PLEC: variants seen among roughly 807,000 people sequenced by gnomAD.
PLEC encodes the protein hemidesmosomal protein 1.
A neutral mutation model predicts 392.8 loss-of-function variants in PLEC; 216 were observed. The observed-to-expected ratio is 0.55, with a 90% confidence interval of 0.49 to 0.62. PLEC has a LOEUF of 0.62. Ranked by LOEUF, PLEC falls within the 20% of genes least tolerant of loss-of-function variation. The pLI, the probability that PLEC is intolerant of heterozygous loss-of-function variation, is 0.00. For synonymous variants in PLEC, 3,621 were observed against 2,980.6 expected, an observed-to-expected ratio of 1.21 and a Z score of -7.00; for missense variants, 6,863 against 6,563.4, an observed-to-expected ratio of 1.05 and a Z score of -1.58.
rs1245201397 is a variant in PLEC, at chr8:143,918,825, G to T, written c.10996C>A (p.Leu3666Ile). ...RIISLETYNL[L>I]REGTRSLREA... The stretch of plus-strand genomic sequence containing the variant: ...CGGAGGCTCCTGGTGCCCTCCCGGA[G>T]CAGGTTGTAGGTCTCGAGAGAGATG... The change falls in exon 32 of 32, where the codon CTC becomes ATC. Residue 3666 changes from leucine (L) to isoleucine (I), a missense_variant. Physicochemically the swap from Leu to Ile is conservative, Grantham distance 5. Transcript: ENST00000345136. The T allele has an allele frequency of 6.2e-7, 1 of 1,613,204 alleles. No individual in the cohort carries two copies. Among genetic ancestry groups the T allele is most frequent in the South Asian group, 1.1e-5 (1 of 91,088 alleles).
At chr8:143,943,890 T>C (rs1168905554), upstream of PLEC, 32 of 1,610,582 alleles carry the variant, frequency 2.0e-5, no homozygotes, top group Non-Finnish European at 2.6e-5. Flanking sequence ...GAGGGCTCCA[T>C]AGCCGCCACG....
intron 1 of PLEC, among the ~76,000 whole-genome samples, chr8:143,963,197 C>A (rs1832945894): frequency 6.6e-6 from 1 of 152,154 alleles, no homozygotes; most frequent in African/African-American, 2.4e-5. Flanking sequence ...GGAACAGAGA[C>A]AGGATGAAAT....
chr8:143,944,667 G>T, intron 1 of PLEC: 1 of 1,339,716 alleles, frequency 7.5e-7, no homozygotes, highest in South Asian at 2.4e-5. Context: ...TCTTCATCGG[G>T]GACGGTGGCA....
At chr8:143,947,224 G>C (rs1831598193) in intron 1 of PLEC, among the ~76,000 whole-genome samples, 1 of 152,218 alleles carries the variant, frequency 6.6e-6, no homozygotes, top group African/African-American at 2.4e-5. Context: ...GGTCAAGGGG[G>C]GAGGTCAAGG....
chr8:143,942,374 C>T (rs1554729291), upstream of PLEC: 5 of 1,601,060 alleles, frequency 3.1e-6, no homozygotes, highest in African/African-American at 1.3e-5. Context: ...GTGCCACCGG[C>T]CACGCCACTG....
At chr8:143,940,434 T>C (rs1830236596), upstream of PLEC, among the ~76,000 whole-genome samples, 1 of 152,108 alleles carries the variant, frequency 6.6e-6, no homozygotes, top group South Asian at 2.1e-4. Context: ...AGGCAGGACC[T>C]GGGCGACCCC....
chr8:143,924,252 C>T lies in PLEC; in HGVS notation c.5677G>A (p.Glu1893Lys). ...GCCTTGCGCAGCTGGGCCAGGCGCT[C>T]CTCGATGTCAGCCTTGTGTTGCGCG... The part of the protein sequence containing the change: ...QAAQHKADIE[E>K]RLAQLRKASD... The change falls in exon 31 of 32, where the codon GAG (glutamate) becomes AAG (lysine). Residue 1893 changes from glutamate (E) to lysine (K), a missense_variant. Coordinates refer to ENST00000345136, the MANE Select transcript of PLEC (RefSeq NM_201384.3). The T allele has an allele frequency of 6.3e-7, 1 of 1,598,102 alleles. No homozygotes were observed. The highest frequency in any genetic ancestry group is 1.1e-5 in the South Asian group (1 of 91,018).
upstream of PLEC, chr8:143,942,643 C>T: frequency 5.1e-6 from 6 of 1,176,508 alleles, no homozygotes; most frequent in Admixed American, 6.0e-5. Flanking sequence ...CACCTCCCCC[C>T]CACAATCCGC....
Position 143,923,386 on chromosome 8 carries a change from C to T in PLEC, c.6543G>A (p.Lys2181=), listed in dbSNP as rs781794568. Residue 2181 remains lysine, a synonymous_variant, in exon 31 of 32, where the codon AAG becomes AAA. Transcript: ENST00000345136. ...TTGTCAGCTCCTGCTCCACCTGCGC[C>T]TTCTGCCGCAGCGTCTGCTCGGCGA... The part of the protein sequence containing the change: ...KKFAEQTLRQ[K]AQVEQELTTL... 2 of 1,610,640 alleles carry T rather than the reference C, an allele frequency of 1.2e-6. No individual in the cohort carries two copies. The highest frequency in any genetic ancestry group is 1.7e-4 in the Middle Eastern group (1 of 6,058).
upstream of PLEC, among the ~76,000 whole-genome samples, chr8:143,941,146 G>C (rs1342399997): frequency 6.6e-6 from 1 of 152,224 alleles, no homozygotes; most frequent in African/African-American, 2.4e-5. Flanking sequence ...CAGCTACCCT[G>C]AGGCCAAGCC....
intron 1 of PLEC, among the ~76,000 whole-genome samples, chr8:143,949,641 C>T (rs1831894433): frequency 6.6e-6 from 1 of 152,226 alleles, no homozygotes; most frequent in Admixed American, 6.5e-5. Context: ...CTCCCCATCC[C>T]GCCCAGGGCC....
At chr8:143,957,885 G>A (rs571461127), upstream of PLEC, among the ~76,000 whole-genome samples, 17 of 151,546 alleles carry the variant, frequency 1.1e-4, no homozygotes, top group South Asian at 3.5e-3. Context: ...CCAGTGGGCT[G>A]TGACCCAGTG....
chr8:143,942,661 G>A (rs1301800544), upstream of PLEC: 7 of 1,080,810 alleles, frequency 6.5e-6, no homozygotes, highest in Non-Finnish European at 8.8e-6. Context: ...CGCCCACTGC[G>A]GGAGCGAGGC....
chr8:143,922,736 C>A lies in PLEC; in HGVS notation c.7193G>T (p.Arg2398Leu), dbSNP rs368343687. 9.9e-6 allele frequency: 16 copies of A among 1,610,906 alleles called. 1 individual carries two copies. In the South Asian group the frequency reaches 1.7e-4, roughly 17 times the overall value. The part of the protein sequence containing the change: ...RVAEMSRAQA[R>L]AEEDAQRFRK... ...GAAGCGCTGGGCGTCCTCCTCAGCG[C>A]GGGCCTGGGCTCGGCTCATCTCGGC... is the stretch of plus-strand genomic sequence containing the variant. The change falls in exon 31 of 32, where the codon CGC becomes CTC. Residue 2398 changes from arginine to leucine, a missense_variant. Transcript: ENST00000345136.
At chr8:143,926,097 A>G (rs1472886452) in intron 30 of PLEC, among the ~76,000 whole-genome samples, 2 of 152,202 alleles carry the variant, frequency 1.3e-5, no homozygotes, top group African/African-American at 4.8e-5. Flanking sequence ...CAGCCTGGGG[A>G]AGGAGGCCCA....
chr8:143,921,763 T>A lies in PLEC; in HGVS notation c.8058A>T (p.Glu2686Asp). ...HTTVDELARR[E>D]DVRHYLQGRS... ...GGCCCTGCAGGTAGTGGCGCACGTC[T>A]TCCCGCCGTGCGAGCTCGTCCACCG... Residue 2686 changes from glutamate (E) to aspartate (D), a missense_variant, in exon 32 of 32, where the codon GAA (glutamate) becomes GAT (aspartate). Physicochemically the swap from Glu to Asp is conservative, Grantham distance 45. Transcript: ENST00000345136. 1 of 1,612,192 alleles carries A rather than the reference T, an allele frequency of 6.2e-7. No individual in the cohort carries two copies. Among genetic ancestry groups the A allele is most frequent in the Non-Finnish European group, 8.5e-7 (1 of 1,179,850 alleles).
At chr8:143,944,788 C>T in intron 1 of PLEC, 1 of 1,047,254 alleles carries the variant, frequency 9.5e-7, no homozygotes, top group Non-Finnish European at 1.2e-6. Context: ...CACGGCCGTG[C>T]TGCTGTCAGC....
In PLEC at chr8:143,923,388, T is replaced by C. The variant is rs1554692117; in HGVS notation, c.6541A>G (p.Lys2181Glu). ...GTCAGCTCCTGCTCCACCTGCGCCT[T>C]CTGCCGCAGCGTCTGCTCGGCGAAT... ...KKFAEQTLRQ[K>E]AQVEQELTTL... The change falls in exon 31 of 32, where the codon AAG (lysine) becomes GAG (glutamate). Residue 2181 changes from lysine to glutamate, a missense_variant. Transcript: ENST00000345136. The C allele has an allele frequency of 6.2e-7, 1 of 1,610,730 alleles. No homozygotes were observed. The highest frequency in any genetic ancestry group is 8.5e-7 in the Non-Finnish European group (1 of 1,179,574).
chr8:143,918,152 T>C lies in PLEC; in HGVS notation c.11669A>G (p.Lys3890Arg). The change falls in exon 32 of 32, where the codon AAG becomes AGG. Residue 3890 changes from lysine (K) to arginine (R), a missense_variant. Coordinates refer to ENST00000345136, the MANE Select transcript of PLEC (RefSeq NM_201384.3). ...CACCAGCTCCTCCATGGTGATCTGC[T>C]TCCGCAGGCCACGGAAGGTCAGCTT... is the stretch of plus-strand genomic sequence containing the variant. ...ARKLTFRGLR[K>R]QITMEELVRS... The C allele has an allele frequency of 1.3e-6, 2 of 1,598,250 alleles. No individual in the cohort carries two copies. The highest frequency in any genetic ancestry group is 1.7e-6 in the Non-Finnish European group (2 of 1,178,836).
Sources: gnomAD v4.1 joint callset for allele counts (sites outside exome capture counted in the v4.1 genomes callset) on GRCh38, gnomAD v4.1.1 for gene constraint, MANE v1.5 for transcripts, NCBI Gene and HGNC (gene_info 2026-07-23, HGNC 2026-07-21) for gene names.